Variants in FBL observed in about 807,000 individuals in gnomAD.
FBL encodes the protein rRNA 2'-O-methyltransferase fibrillarin.
A neutral mutation model predicts 42.2 loss-of-function variants in FBL; 10 were observed. The ratio of observed to expected loss-of-function variants is 0.24; its 90% CI spans 0.15 to 0.40. The LOEUF (loss-of-function observed/expected upper bound fraction) is 0.40. Ranked by LOEUF, FBL falls within the 10% of genes least tolerant of loss-of-function variation. The pLI is 1.00. For missense variants in FBL, 351 were observed against 439.2 expected, an observed-to-expected ratio of 0.80 and a Z score of 1.79; for synonymous variants, 165 against 165.4, an observed-to-expected ratio of 1.00 and a Z score of 0.02.
chr19:39,843,861 T>C (rs1442011415), intron 1 of FBL, among the ~76,000 whole-genome samples: 2 of 152,180 alleles, frequency 1.3e-5, no homozygotes, highest in East Asian at 3.8e-4. Context: ...ATATATACTA[T>C]CTGGCACCTA....
rs1157531342 is a variant in FBL, at chr19:39,846,287, T to C, written c.10+4A>G. 5.6e-6 allele frequency: 9 copies of C among 1,613,708 alleles called. No homozygotes were observed. Among genetic ancestry groups the C allele is most frequent in the East Asian group, 2.2e-5 (1 of 44,878 alleles). On this transcript the variant is annotated splice_donor_region_variant and intron_variant, in intron 1 of 8. Transcript: ENST00000221801. Reference sequence around the variant, plus strand: ...CTGACCCCGGACCCTCACCCCAGCCTGACCTGGCTTCATGGCGAGCCCTGG... The same window carrying C: ...CTGACCCCGGACCCTCACCCCAGCCCGACCTGGCTTCATGGCGAGCCCTGG...
At chr19:39,834,627 C>G in intron 8 of FBL, 41 bp downstream of exon 8, 1 of 1,614,108 alleles carries the variant, frequency 6.2e-7, no homozygotes, top group Non-Finnish European at 8.5e-7. Flanking sequence ...GTGCAAGGGA[C>G]AGAGATGTCT....
intron 1 of FBL, among the ~76,000 whole-genome samples, chr19:39,841,583 T>C (rs1969165171): frequency 6.6e-6 from 1 of 152,176 alleles, no homozygotes; most frequent in Non-Finnish European, 1.5e-5. Flanking sequence ...TACGAGCACA[T>C]GCTGTGACAA....
At chr19:39,841,810 T>C (rs893344925) in intron 1 of FBL, among the ~76,000 whole-genome samples, 8 of 152,376 alleles carry the variant, frequency 5.3e-5, no homozygotes, top group African/African-American at 1.9e-4. Flanking sequence ...TAGGCTGCAC[T>C]TTACAAGTAG....
chr19:39,840,363 C>T lies in FBL; in HGVS notation c.284-36G>A, dbSNP rs1477426362. 1 of 1,608,200 alleles carries T rather than the reference C, an allele frequency of 6.2e-7. No homozygotes were observed. The highest frequency in any genetic ancestry group is 8.5e-7 in the Non-Finnish European group (1 of 1,174,758). On this transcript the variant is annotated intron_variant, in intron 3 of 8. Coordinates refer to ENST00000221801, the MANE Select transcript of FBL (RefSeq NM_001436.4). This position sits in a 1 kb window ranked among gnomAD's most constrained non-coding sequence, Gnocchi z 4.5. Reference sequence around the variant, plus strand: ...GGATCAGAGCAGGGGTGAGGACCCCCAGCCTCTCCCTGCCCCGAAGCTCAG... The same window carrying T: ...GGATCAGAGCAGGGGTGAGGACCCCTAGCCTCTCCCTGCCCCGAAGCTCAG...
Position 39,840,168 on chromosome 19 carries a change from A to G in FBL, c.378+65T>C, listed in dbSNP as rs1300488742. ...CGTGCAGGACACATGGTGAGGGCAG[A>G]CACAGACTACTGGCTACACCCTCAG... On this transcript the variant is annotated intron_variant, in intron 4 of 8. Transcript: ENST00000221801. This position sits in a 1 kb window ranked among gnomAD's most constrained non-coding sequence, Gnocchi z 4.5. 17 of 1,113,816 alleles carry G rather than the reference A, an allele frequency of 1.5e-5. No individual in the cohort carries two copies. The highest frequency in any genetic ancestry group is 2.1e-5 in the Non-Finnish European group (15 of 726,698). The allele number at this position is 1,113,816 out of a possible 1,614,324, so 69.0% of individuals were successfully genotyped here.
Position 39,840,638 on chromosome 19 carries a change from C to G in FBL, c.160G>C (p.Gly54Arg), listed in dbSNP as rs139541583. 5.6e-6 allele frequency: 9 copies of G among 1,610,134 alleles called. No homozygotes were observed. The highest frequency in any genetic ancestry group is 7.6e-6 in the Non-Finnish European group (9 of 1,178,178). The change falls in exon 2 of 9, where the codon GGT (glycine) becomes CGT (arginine). Residue 54 changes from glycine (G) to arginine (R), a missense_variant. Physicochemically the swap from Gly to Arg is moderately radical, Grantham distance 125. Transcript: ENST00000221801. The surrounding 1 kb of genome is among the most constrained non-coding windows in gnomAD (Gnocchi z 4.5). ...TTACCACCTCTTCCTCCTCCTCCAC[C>G]GCCGCCGCCGCCTCCACCTCCTCCT... ...GRGGGGGGGG[G>R]GGGGRGGGGF...
At position 39,840,919 on chromosome 19, in the gene FBL, A is replaced by C; in HGVS notation, c.11-132T>G. Reference sequence around the variant, plus strand: ...TGTACAGCAGGACACATTTCCAAGAATGTCCACAGCAAAAGAAAAGTGAAG... The same window carrying C: ...TGTACAGCAGGACACATTTCCAAGACTGTCCACAGCAAAAGAAAAGTGAAG... On this transcript the variant is annotated intron_variant, in intron 1 of 8. Coordinates refer to ENST00000221801, the MANE Select transcript of FBL (RefSeq NM_001436.4). The surrounding 1 kb of genome is among the most constrained non-coding windows in gnomAD (Gnocchi z 4.5). The C allele has an allele frequency of 3.6e-6, 3 of 832,110 alleles. No individual in the cohort carries two copies. The highest frequency in any genetic ancestry group is 3.4e-5 in the Admixed American group (1 of 29,600). The allele number at this position is 832,110 out of a possible 1,614,324, so 51.5% of individuals were successfully genotyped here. A position where few individuals can be genotyped will look rare whatever the true frequency, so the allele number is the denominator to read the frequency against.
At chr19:39,844,584 G>T (rs1421021710) in intron 1 of FBL, among the ~76,000 whole-genome samples, 1 of 152,010 alleles carries the variant, frequency 6.6e-6, no homozygotes, top group Non-Finnish European at 1.5e-5. Context: ...CCAAACCCTT[G>T]GTTATCCTTG....
rs1969142381 is a variant in FBL, at chr19:39,840,580, C to T, written c.181+37G>A. The stretch of plus-strand genomic sequence containing the variant: ...TCTCCGCCCTCCCCACTCCCCACCT[C>T]AGGAAGGCCTCCTCTGTAACCCCTA... On this transcript the variant is annotated intron_variant, in intron 2 of 8. Transcript: ENST00000221801. The surrounding 1 kb of genome is among the most constrained non-coding windows in gnomAD (Gnocchi z 4.5). The T allele has an allele frequency of 1.2e-6, 2 of 1,612,816 alleles. No individual in the cohort carries two copies. The highest frequency in any genetic ancestry group is 1.7e-6 in the Non-Finnish European group (2 of 1,179,266).
At chr19:39,839,737 A>G (rs1568540871) in intron 4 of FBL, among the ~76,000 whole-genome samples, 1 of 152,104 alleles carries the variant, frequency 6.6e-6, no homozygotes, top group African/African-American at 2.4e-5. Flanking sequence ...AAGTTATCTG[A>G]GGAAGGACAT....
intron 7 of FBL, among the ~76,000 whole-genome samples, chr19:39,835,882 C>T (rs2145054074): frequency 6.6e-6 from 1 of 152,094 alleles, no homozygotes; most frequent in African/African-American, 2.4e-5. Flanking sequence ...GCTGAGATTG[C>T]ACCACTTCAC....
chr19:39,837,695 C>A lies in FBL; in HGVS notation c.682+16G>T. Reference sequence around the variant, plus strand: ...GGCCTGTCCTACCCCACCGGGGCCACCCCCAGACCCCTCACCGATGAGCAT... The same window carrying A: ...GGCCTGTCCTACCCCACCGGGGCCAACCCCAGACCCCTCACCGATGAGCAT... On this transcript the variant is annotated intron_variant, in intron 6 of 8. Coordinates refer to ENST00000221801, the MANE Select transcript of FBL (RefSeq NM_001436.4). 6.4e-7 allele frequency: 1 copy of A among 1,553,750 alleles called. No individual in the cohort carries two copies. The highest frequency in any genetic ancestry group is 2.3e-5 in the East Asian group (1 of 43,096).
At position 39,834,766 on chromosome 19, in the gene FBL, G is replaced by C; in HGVS notation, c.843C>G (p.Ser281=). 1.2e-6 allele frequency: 2 copies of C among 1,614,128 alleles called. No homozygotes were observed. The highest frequency in any genetic ancestry group is 1.7e-6 in the Non-Finnish European group (2 of 1,180,008). Residue 281 remains serine, a synonymous_variant, in exon 8 of 9, where the codon TCC becomes TCG. Coordinates refer to ENST00000221801, the MANE Select transcript of FBL (RefSeq NM_001436.4). The part of the protein sequence containing the change: ...STASAEAVFA[S]EVKKMQQENM... ...TCTCCTGTTGCATCTTTTTCACTTCGGAGGCAAACACGGCCTCGGCTGAGG... is the reference window on the plus strand; with the variant it reads ...TCTCCTGTTGCATCTTTTTCACTTCCGAGGCAAACACGGCCTCGGCTGAGG...
intron 6 of FBL, among the ~76,000 whole-genome samples, chr19:39,837,224 C>T (rs1969066845): frequency 6.6e-6 from 1 of 152,186 alleles, no homozygotes; most frequent in African/African-American, 2.4e-5. Context: ...CTGGGAAAAG[C>T]AGACATCAAA....
At position 39,836,619 on chromosome 19, in the gene FBL, C is replaced by T; in HGVS notation, c.732G>A (p.Arg244=). 3.1e-6 allele frequency: 5 copies of T among 1,614,186 alleles called. No individual in the cohort carries two copies. The highest frequency in any genetic ancestry group is 4.2e-6 in the Non-Finnish European group (5 of 1,180,016). ...FADVAQPDQT[R]IVALNAHTFL... Reference sequence around the variant, plus strand: ...AGGTGTGGGCATTCAGGGCCACAATCCGGGTCTGGTCTGGCTGGGCCACAT... The same window carrying T: ...AGGTGTGGGCATTCAGGGCCACAATTCGGGTCTGGTCTGGCTGGGCCACAT... Residue 244 remains arginine, a synonymous_variant, in exon 7 of 9, where the codon CGG becomes CGA. Transcript: ENST00000221801.
chr19:39,844,445 C>A (rs915100320), intron 1 of FBL, among the ~76,000 whole-genome samples: 1 of 150,334 alleles, frequency 6.7e-6, no homozygotes, highest in African/African-American at 2.5e-5. Flanking sequence ...CATGTTCACA[C>A]AAACTTTTCC....
At chr19:39,842,796 T>C (rs1048251876) in intron 1 of FBL, among the ~76,000 whole-genome samples, 3 of 152,082 alleles carry the variant, frequency 2.0e-5, no homozygotes, top group Admixed American at 2.0e-4. Flanking sequence ...CCCCTAAAGC[T>C]CTCCAGGTGA....
rs911102520 is a variant in FBL, at chr19:39,840,956, T to G, written c.11-169A>C. Among the ~76,000 whole-genome samples, 1 of 152,162 alleles carries G rather than the reference T, an allele frequency of 6.6e-6. No homozygotes were observed. The highest frequency in any genetic ancestry group is 1.5e-5 in the Non-Finnish European group (1 of 68,030). On this transcript the variant is annotated intron_variant, in intron 1 of 8. Coordinates refer to ENST00000221801, the MANE Select transcript of FBL (RefSeq NM_001436.4). The surrounding 1 kb of genome is among the most constrained non-coding windows in gnomAD (Gnocchi z 4.5). Reference sequence around the variant, plus strand: ...AAAGAAAAGTGAAGACTAACCCAAATGTCCATCAATAGAATGGGCAAATAA... The same window carrying G: ...AAAGAAAAGTGAAGACTAACCCAAAGGTCCATCAATAGAATGGGCAAATAA...
Sources: gnomAD v4.1 joint callset for allele counts (sites outside exome capture counted in the v4.1 genomes callset) on GRCh38, gnomAD v4.1.1 for gene constraint, Gnocchi (gnomAD v3.1) non-coding constraint, MANE v1.5 for transcripts, NCBI Gene and HGNC (gene_info 2026-07-23, HGNC 2026-07-21) for gene names.